RAD50: variants seen among roughly 807,000 people sequenced by gnomAD.
RAD50 encodes DNA repair protein RAD50.
In RAD50, 132 loss-of-function variants were observed where a neutral mutation model predicts 168.8. That is an observed-to-expected ratio of 0.78 (90% CI 0.68 to 0.90). The LOEUF is 0.90. Ranked by LOEUF, RAD50 falls within the 40% of genes least tolerant of loss-of-function variation. The pLI, the probability that RAD50 is intolerant of heterozygous loss-of-function variation, is 0.00. For missense variants in RAD50, 1,347 were observed against 1,534.4 expected (o/e 0.88, Z 2.04); for synonymous variants, 525 against 497.4 (o/e 1.06, Z -0.74).
Position 132,642,423 on chromosome 5 carries a change from A to AACTT in RAD50, c.*61_*64dup. The AACTT allele has an allele frequency of 1.4e-6, 2 of 1,425,798 alleles. No homozygotes were observed. The highest frequency in any genetic ancestry group is 2.0e-6 in the Non-Finnish European group (2 of 1,021,690). 88.3% of individuals were successfully genotyped at this position (1,425,798 alleles called of 1,614,324 possible). On this transcript the variant is annotated 3_prime_UTR_variant, in exon 25 of 25. Transcript: ENST00000378823. Reference sequence around the variant, plus strand: ...GGTCCTCAGAAAGTGTATAATAAGAAACTTATTTCTCATATCAACTTAGTC... The same window carrying AACTT: ...GGTCCTCAGAAAGTGTATAATAAGAAACTTACTTATTTCTCATATCAACTTAGTC...
At position 132,591,944 on chromosome 5, in the gene RAD50, GATATTTTCCCA is replaced by G; in HGVS notation, c.1705_1715del (p.Tyr569GlnfsTer5). On this transcript the variant is annotated frameshift_variant, in exon 11 of 25. Coordinates refer to ENST00000378823, the MANE Select transcript of RAD50 (RefSeq NM_005732.4). LOFTEE classifies it high-confidence loss of function. The stretch of plus-strand genomic sequence containing the variant: ...AGTGATGAATTAACCTCACTGTTGG[GATATTTTCCCA>G]ACAAAAAACAGCTTGAAGACTGGCT... 6.2e-7 allele frequency: 1 copy of G among 1,609,964 alleles called. No homozygotes were observed. Among genetic ancestry groups the G allele is most frequent in the Non-Finnish European group, 8.5e-7 (1 of 1,176,558 alleles).
chr5:132,616,015 T>C lies in RAD50; in HGVS notation c.3049T>C (p.Trp1017Arg), dbSNP rs878997089. The C allele has an allele frequency of 6.9e-6, 11 of 1,583,762 alleles. No homozygotes were observed. In the South Asian group the frequency reaches 1.2e-4, roughly 18 times the overall value. Residue 1017 changes from tryptophan to arginine, a missense_variant, in exon 20 of 25, where the codon TGG (tryptophan) becomes CGG (arginine). This residue lies in a region of RAD50 where 635 missense variants were observed against 739.2 expected (regional missense o/e 0.86). Coordinates refer to ENST00000378823, the MANE Select transcript of RAD50 (RefSeq NM_005732.4). Reference protein sequence around the residue: ...DIDTQKIQERWLQDNLTLRKR... With the variant: ...DIDTQKIQERRLQDNLTLRKR... ...TGTTTACCTTTAGATACAAGAAAGG[T>C]GGCTACAAGATAACCTTACTTTAAG...
At chr5:132,621,491 C>T (rs891246215) in intron 21 of RAD50, among the ~76,000 whole-genome samples, 2 of 152,188 alleles carry the variant, frequency 1.3e-5, no homozygotes, top group East Asian at 1.9e-4. Context: ...TTCATTCTTG[C>T]TTTTTAAATC....
chr5:132,623,118 T>G (rs923730769), intron 21 of RAD50, among the ~76,000 whole-genome samples: 5 of 152,226 alleles, frequency 3.3e-5, no homozygotes, highest in African/African-American at 1.2e-4. Context: ...TCTTCCTTAC[T>G]TGGGTCCTAT....
intron 6 of RAD50, 87 bp from the exon 7 acceptor site, chr5:132,587,837 A>T: frequency 1.3e-6 from 2 of 1,544,344 alleles, no homozygotes; most frequent in Non-Finnish European, 1.8e-6. Flanking sequence ...AGGATATTGA[A>T]TAAGGTTTGG....
chr5:132,593,133 A>T, intron 11 of RAD50: 1 of 225,910 alleles, frequency 4.4e-6, no homozygotes, highest in Non-Finnish European at 9.4e-6. Context: ...ATCCATTTGT[A>T]AACTGCTGAT....
chr5:132,623,195 A>T (rs1751313469), intron 21 of RAD50, among the ~76,000 whole-genome samples: 1 of 152,108 alleles, frequency 6.6e-6, no homozygotes, highest in Non-Finnish European at 1.5e-5. Context: ...CGCCAAGTTC[A>T]TGGCTGGGCA....
chr5:132,586,713 G>A (rs1277359192), intron 5 of RAD50, among the ~76,000 whole-genome samples: 1 of 152,014 alleles, frequency 6.6e-6, no homozygotes, highest in African/African-American at 2.4e-5. Flanking sequence ...TTTAAAATTA[G>A]GTTCTGCTGG....
intron 2 of RAD50, among the ~76,000 whole-genome samples, chr5:132,569,830 C>T (rs968309184): frequency 6.6e-6 from 1 of 151,984 alleles, no homozygotes. Flanking sequence ...TCCGGAAAAT[C>T]CCCAAATAAT....
At chr5:132,559,460 A>C in intron 2 of RAD50, 93 bp downstream of exon 2, 1 of 1,330,332 alleles carries the variant, frequency 7.5e-7, no homozygotes, top group Non-Finnish European at 1.0e-6. Flanking sequence ...TATAAAGAGA[A>C]ATGAAAGTCA....
At chr5:132,605,390 G>A (rs1750967034) in intron 16 of RAD50, among the ~76,000 whole-genome samples, 1 of 152,020 alleles carries the variant, frequency 6.6e-6, no homozygotes, top group Non-Finnish European at 1.5e-5. Flanking sequence ...TTCCAAGCTG[G>A]AATGCAGTGG....
intron 3 of RAD50, 94 bp downstream of exon 3, chr5:132,576,022 A>G (rs1750393595): frequency 1.6e-6 from 2 of 1,271,172 alleles, no homozygotes; most frequent in Non-Finnish European, 1.1e-6. Flanking sequence ...TTAGGGGAGC[A>G]TATTAAATTT....
At chr5:132,631,848 G>A (rs62385260) in intron 21 of RAD50, among the ~76,000 whole-genome samples, 23,898 of 152,134 alleles carry the variant, frequency 0.16, 2,387 homozygotes, top group Middle Eastern at 0.24. Flanking sequence ...TGGGATTGCA[G>A]GTGTGAGCCA....
chr5:132,624,135 G>C (rs562740691), intron 21 of RAD50, among the ~76,000 whole-genome samples: 1 of 152,130 alleles, frequency 6.6e-6, no homozygotes, highest in South Asian at 2.1e-4. Context: ...CCATTTCATT[G>C]TGAGTGGGTA....
Position 132,557,189 on chromosome 5 carries a change from C to A in RAD50, c.-136C>A. 8.2e-7 allele frequency: 1 copy of A among 1,226,456 alleles called. No homozygotes were observed. The highest frequency in any genetic ancestry group is 1.2e-6 in the Non-Finnish European group (1 of 842,286). The allele number at this position is 1,226,456 out of a possible 1,614,324, so 76.0% of individuals were successfully genotyped here. A position where few individuals can be genotyped will look rare whatever the true frequency, so the allele number is the denominator to read the frequency against. On this transcript the variant is annotated 5_prime_UTR_variant, in exon 1 of 25. It adds an upstream start codon to the 5' untranslated region. Transcript: ENST00000378823. Reference sequence around the variant, plus strand: ...TGGCTGGCAGGATCTTTTGGCAGTCCTGTGGCCTCGCTCCCCGCCCGGATC... The same window carrying A: ...TGGCTGGCAGGATCTTTTGGCAGTCATGTGGCCTCGCTCCCCGCCCGGATC...
In RAD50 at chr5:132,589,622, T is replaced by C. The variant is rs1487934390; in HGVS notation, c.1246-9T>C. 1 of 1,550,064 alleles carries C rather than the reference T, an allele frequency of 6.5e-7. No homozygotes were observed. Among genetic ancestry groups the C allele is most frequent in the Non-Finnish European group, 8.8e-7 (1 of 1,140,950 alleles). ...ATTATTAATGCTCATTCTTTACATA[T>C]GCATTTAGAATGACTTTGCAGAAAA... is the stretch of plus-strand genomic sequence containing the variant. On this transcript the variant is annotated splice_polypyrimidine_tract_variant and intron_variant, in intron 8 of 24. Transcript: ENST00000378823.
At chr5:132,591,190 T>C (rs781108950) in intron 9 of RAD50, 34 bp from the exon 10 acceptor site, 1 of 1,557,368 alleles carries the variant, frequency 6.4e-7, no homozygotes, top group South Asian at 1.1e-5. Context: ...ACAAAATATA[T>C]AACACCTTTG....
intron 3 of RAD50, 59 bp from the exon 4 acceptor site, chr5:132,579,258 A>G: frequency 6.5e-7 from 1 of 1,527,616 alleles, no homozygotes; most frequent in Non-Finnish European, 9.0e-7. Context: ...TTGATTAAGC[A>G]ATAGAATAGA....
chr5:132,620,630 C>T (rs1347574563), intron 21 of RAD50, among the ~76,000 whole-genome samples: 1 of 152,092 alleles, frequency 6.6e-6, no homozygotes, highest in Non-Finnish European at 1.5e-5. Flanking sequence ...CTTGACTCCT[C>T]CTTTTTCCCT....
Sources: gnomAD v4.1 joint callset for allele counts (sites outside exome capture counted in the v4.1 genomes callset) on GRCh38, gnomAD v4.1.1 for gene constraint, gnomAD v4.1.1 regional missense constraint, MANE v1.5 for transcripts, NCBI Gene and HGNC (gene_info 2026-07-23, HGNC 2026-07-21) for gene names.